The following MCF2L variants were observed in gnomAD, a reference collection of about 807,000 sequenced individuals.
MCF2L encodes MCF.2 cell line derived transforming sequence like, also known as guanine nucleotide exchange factor DBS.
In MCF2L, 97 loss-of-function variants were observed where a neutral mutation model predicts 153.4. That is an observed-to-expected ratio of 0.63 (90% CI 0.54 to 0.75). The LOEUF (loss-of-function observed/expected upper bound fraction) is 0.75, where lower values mean the gene tolerates loss of function less well. Among genes scored for constraint, MCF2L ranks in the 30% least tolerant of loss-of-function variants. MCF2L has a pLI of 0.00. For missense variants in MCF2L, 1,347 were observed against 1,495.2 expected (o/e 0.90, Z 1.64); for synonymous variants, 659 against 632.2 (o/e 1.04, Z -0.64).
intron 1 of MCF2L, among the ~76,000 whole-genome samples, chr13:112,982,927 C>A (rs768248796): frequency 6.6e-6 from 1 of 152,056 alleles, no homozygotes; most frequent in Non-Finnish European, 1.5e-5. Context: ...GTGGAAGAAC[C>A]CTCAGGAGCT....
chr13:112,938,256 G>A (rs939941712), intron 2 of MCF2L, among the ~76,000 whole-genome samples: 2 of 105,102 alleles, frequency 1.9e-5, no homozygotes, highest in Non-Finnish European at 2.0e-5. Flanking sequence ...TCAGGTGAGC[G>A]CTGATGGGTT....
chr13:113,007,327 C>T (rs1419990224), intron 1 of MCF2L, among the ~76,000 whole-genome samples: 1 of 152,170 alleles, frequency 6.6e-6, no homozygotes, highest in African/African-American at 2.4e-5. Context: ...CATGACAGAC[C>T]CTCCTGGTGC....
chr13:113,038,277 A>G (rs2086266625), intron 3 of MCF2L, among the ~76,000 whole-genome samples: 1 of 152,120 alleles, frequency 6.6e-6, no homozygotes, highest in Non-Finnish European at 1.5e-5. Context: ...CATCCTGGCT[A>G]ACATGGTGAA....
Position 112,983,095 on chromosome 13 carries a change from G to C in MCF2L, c.79+13637G>C, listed in dbSNP as rs2140918429. 6.6e-6 allele frequency among the ~76,000 whole-genome samples: 1 copy of C among 152,180 alleles called. No individual in the cohort carries two copies. Among genetic ancestry groups the C allele is most frequent in the East Asian group, 1.9e-4 (1 of 5,154 alleles). On this transcript the variant is annotated intron_variant, in intron 1 of 29. Coordinates refer to ENST00000535094, the MANE Select transcript of MCF2L (RefSeq NM_001112732.3). This position sits in a 1 kb window ranked among gnomAD's most constrained non-coding sequence, Gnocchi z 4.0. ...GCCAGGCTGGTTCAGTGCAAGGCCTGAGGTGAGGTTCAGGTGCGGCCCACG... is the reference window on the plus strand; with the variant it reads ...GCCAGGCTGGTTCAGTGCAAGGCCTCAGGTGAGGTTCAGGTGCGGCCCACG...
intron 1 of MCF2L, chr13:113,001,626 C>G: frequency 8.2e-7 from 1 of 1,223,964 alleles, no homozygotes; most frequent in Non-Finnish European, 1.0e-6. Context: ...GAACCTGAAG[C>G]CTCCCTGGCC....
chr13:113,013,926 TCCATGCTCCTAGCTGGTGCTGACC>T (rs1319757183), intron 1 of MCF2L, among the ~76,000 whole-genome samples: 2 of 147,796 alleles, frequency 1.4e-5, no homozygotes, highest in Non-Finnish European at 1.5e-5. Context: ...TGGTGCTGGC[TCCATGCTCCTAGCTGGTGCTGACC>T]CCATGCTCCG....
In MCF2L at chr13:112,941,121, C is replaced by T. The variant is rs1423494047; in HGVS notation, c.169+38750C>T. 6.6e-6 allele frequency among the ~76,000 whole-genome samples: 1 copy of T among 152,158 alleles called. No homozygotes were observed. The highest frequency in any genetic ancestry group is 1.5e-5 in the Non-Finnish European group (1 of 68,044). On this transcript the variant is annotated intron_variant, in intron 2 of 29. Coordinates refer to the MCF2L transcript ENST00000375608. The surrounding 1 kb of genome is among the most constrained non-coding windows in gnomAD (Gnocchi z 4.9). ...TTTTCCGCAGGGTCAGAGTGGCCAT[C>T]GTGCTTATCACATAAAAATGTAACC...
chr13:113,074,294 T>C lies in MCF2L; in HGVS notation c.997-150T>C. The C allele has an allele frequency of 1.0e-6, 1 of 977,936 alleles. No individual in the cohort carries two copies. The highest frequency in any genetic ancestry group is 1.5e-6 in the Non-Finnish European group (1 of 651,338). 60.6% of individuals were successfully genotyped at this position (977,936 alleles called of 1,614,324 possible). A position where few individuals can be genotyped will look rare whatever the true frequency, so the allele number is the denominator to read the frequency against. ...ATTGGTGACCACTCGGGGCCGACTT[T>C]GCACCTGTCTGACTGTGGTCCCTGC... On this transcript the variant is annotated intron_variant, in intron 9 of 29. Coordinates refer to ENST00000535094, the MANE Select transcript of MCF2L (RefSeq NM_001112732.3). The surrounding 1 kb of genome is among the most constrained non-coding windows in gnomAD (Gnocchi z 4.2).
intron 2 of MCF2L, among the ~76,000 whole-genome samples, chr13:112,924,209 A>G (rs928164733): frequency 1.3e-5 from 2 of 152,052 alleles, no homozygotes; most frequent in African/African-American, 4.8e-5. Flanking sequence ...GAACAGAGTG[A>G]AGCTCCCCAC....
At chr13:113,020,341 G>A (rs1377753806) in intron 2 of MCF2L, among the ~76,000 whole-genome samples, 2 of 152,218 alleles carry the variant, frequency 1.3e-5, no homozygotes, top group African/African-American at 2.4e-5. Context: ...CAGGACACAC[G>A]TGTGAGTCGT....
At chr13:113,090,940 T>TCAG in intron 26 of MCF2L, 1 of 1,197,790 alleles carries the variant, frequency 8.3e-7, no homozygotes, top group South Asian at 1.5e-5. Context: ...GGCCCCTCCT[T>TCAG]CACTGCGCGG....
chr13:112,961,575 G>C (rs116558271), intron 2 of MCF2L, among the ~76,000 whole-genome samples: 1 of 152,342 alleles, frequency 6.6e-6, no homozygotes, highest in African/African-American at 2.4e-5. Context: ...TGGGGTCCCA[G>C]GCCCAGGCCA....
chr13:113,021,620 C>T (rs1246773380), intron 2 of MCF2L, among the ~76,000 whole-genome samples: 3 of 152,214 alleles, frequency 2.0e-5, no homozygotes, highest in Non-Finnish European at 4.4e-5. Context: ...GGTGTAGACA[C>T]AGAAGTAGAG....
intron 2 of MCF2L, among the ~76,000 whole-genome samples, chr13:112,931,346 C>T (rs73572857): frequency 0.029 from 4,397 of 152,298 alleles, 210 homozygotes; most frequent in African/African-American, 0.099. Flanking sequence ...CGTCGTTTCC[C>T]GTAGATACAG....
chr13:113,056,520 G>A (rs1314495657), intron 4 of MCF2L, among the ~76,000 whole-genome samples: 1 of 146,286 alleles, frequency 6.8e-6, no homozygotes, highest in East Asian at 2.1e-4. Flanking sequence ...TGGGTGCTGA[G>A]TGGGTGCTGT....
intron 15 of MCF2L, 60 bp from the exon 16 acceptor site, chr13:113,081,153 C>A: frequency 1.4e-6 from 2 of 1,396,188 alleles, no homozygotes; most frequent in Non-Finnish European, 2.0e-6. Flanking sequence ...GACTGTGGAG[C>A]AGACCATTCC....
At chr13:113,085,962 C>T (rs887241366) in intron 20 of MCF2L, among the ~76,000 whole-genome samples, 162 bp from the exon 21 acceptor site, 1 of 151,868 alleles carries the variant, frequency 6.6e-6, no homozygotes, top group Non-Finnish European at 1.5e-5. Flanking sequence ...TGCAGCACCA[C>T]TCAGTCTGTC....
chr13:112,954,160 C>T (rs2081728989), intron 2 of MCF2L, among the ~76,000 whole-genome samples: 2 of 152,214 alleles, frequency 1.3e-5, no homozygotes, highest in Non-Finnish European at 1.5e-5. Flanking sequence ...GGGGAGGTGG[C>T]CTGGAGCCTG....
At chr13:113,075,782 C>A (rs1295714819) in intron 11 of MCF2L, among the ~76,000 whole-genome samples, 184 bp from the exon 12 acceptor site, 1 of 151,842 alleles carries the variant, frequency 6.6e-6, no homozygotes, top group African/African-American at 2.4e-5. Flanking sequence ...AGCACTGTGT[C>A]CCCTTGGGAT....
Sources: allele counts gnomAD v4.1 joint callset (sites outside exome capture counted in the v4.1 genomes callset), GRCh38; gene constraint gnomAD v4.1.1; non-coding constraint Gnocchi (gnomAD v3.1); transcripts MANE v1.5; gene names NCBI Gene and HGNC (gene_info 2026-07-23, HGNC 2026-07-21).